The following COL6A2 variants were observed in gnomAD, a reference collection of about 807,000 sequenced individuals.
COL6A2 encodes the protein collagen type VI alpha 2 chain.
A neutral mutation model predicts 124.9 loss-of-function variants in COL6A2; 90 were observed. That is an observed-to-expected ratio of 0.72 (90% CI 0.61 to 0.86). The LOEUF (loss-of-function observed/expected upper bound fraction) is 0.86. Ranked by LOEUF, COL6A2 falls within the 40% of genes least tolerant of loss-of-function variation. COL6A2 has a pLI of 0.00. For synonymous variants in COL6A2, 793 were observed against 618.2 expected, an observed-to-expected ratio of 1.28 and a Z score of -4.19; for missense variants, 1,607 against 1,502.5, an observed-to-expected ratio of 1.07 and a Z score of -1.15.
rs771059871 is a variant in COL6A2, at chr21:46,122,949, CG to C, written c.1671+13del. ...AGAAAGGAGAGCCTGTGAGTGTCAC[CG>C]TCCCGAAGCCCACAGCAGCTGGGCA... On this transcript the variant is annotated intron_variant, in intron 21 of 27. Coordinates refer to ENST00000300527, the MANE Select transcript of COL6A2 (RefSeq NM_001849.4). The C allele has an allele frequency of 6.2e-7, 1 of 1,612,328 alleles. No individual in the cohort carries two copies. Among genetic ancestry groups the C allele is most frequent in the Admixed American group, 1.7e-5 (1 of 60,006 alleles).
chr21:46,117,273 AC>A, intron 10 of COL6A2, 126 bp from the exon 11 acceptor site: 2 of 936,980 alleles, frequency 2.1e-6, no homozygotes, highest in South Asian at 1.5e-5. Context: ...TCATGTGGGC[AC>A]CCGTGTGCCA....
chr21:46,124,544 C>CT (rs1601245864), intron 21 of COL6A2, 107 bp from the exon 22 acceptor site: 1 of 981,766 alleles, frequency 1.0e-6, no homozygotes, highest in East Asian at 2.4e-5. Flanking sequence ...TTAGCCCCCC[C>CT]CCCCGCCAAG....
At chr21:46,113,953 C>T in intron 4 of COL6A2, 55 bp from the exon 5 acceptor site, 1 of 1,448,172 alleles carries the variant, frequency 6.9e-7, no homozygotes, top group East Asian at 2.3e-5. Flanking sequence ...CCCTGCCCTG[C>T]CACCTGAGGA....
chr21:46,121,481 G>A (rs1204432272), intron 17 of COL6A2, 75 bp from the exon 18 acceptor site: 25 of 1,421,738 alleles, frequency 1.8e-5, no homozygotes, highest in Admixed American at 5.1e-5. Context: ...AGGGCTGGAC[G>A]GGGCATGTCA....
chr21:46,129,569 C>T, intron 27 of COL6A2: 4 of 1,461,926 alleles, frequency 2.7e-6, no homozygotes, highest in Non-Finnish European at 3.6e-6. Flanking sequence ...CAGGCTGGCT[C>T]TCAGTGGAGG....
At chr21:46,101,043 T>C (rs555600607) in intron 1 of COL6A2, among the ~76,000 whole-genome samples, 1 of 152,366 alleles carries the variant, frequency 6.6e-6, no homozygotes, top group South Asian at 2.1e-4. Flanking sequence ...TTTCTCCACA[T>C]CTGCACCAAC....
In COL6A2 at chr21:46,132,353, A is replaced by C. The variant is rs1172651127; in HGVS notation, c.2861A>C (p.Asn954Thr). The C allele has an allele frequency of 6.2e-7, 1 of 1,608,788 alleles. No individual in the cohort carries two copies. Among genetic ancestry groups the C allele is most frequent in the South Asian group, 1.1e-5 (1 of 91,082 alleles). Residue 954 changes from asparagine to threonine, a missense_variant, in exon 28 of 28, where the codon AAC becomes ACC. By Grantham distance (65) the Asn-to-Thr change is moderately conservative (BLOSUM62 0). Transcript: ENST00000300527. ...FVFLTDGVTG[N>T]DSLHESAHSM... ...TTCCTCACGGACGGCGTCACGGGCAACGACAGTCTGCACGAGTCGGCGCAC... is the reference window on the plus strand; with the variant it reads ...TTCCTCACGGACGGCGTCACGGGCACCGACAGTCTGCACGAGTCGGCGCAC...
chr21:46,118,922 C>T (rs569406952), intron 13 of COL6A2, 108 bp from the exon 14 acceptor site: 3 of 1,029,716 alleles, frequency 2.9e-6, no homozygotes, highest in Non-Finnish European at 4.5e-6. Context: ...GCCTGGCAAG[C>T]AGATTCCGCT....
intron 16 of COL6A2, 108 bp downstream of exon 16, chr21:46,120,685 C>A (rs1353301190): frequency 5.5e-6 from 6 of 1,090,178 alleles, no homozygotes; most frequent in African/African-American, 1.6e-5. Context: ...GTAGGGGACC[C>A]GGGTGGGTGC....
At chr21:46,111,849 G>A in intron 2 of COL6A2, 130 bp from the exon 3 acceptor site, 1 of 983,048 alleles carries the variant, frequency 1.0e-6, no homozygotes, top group Non-Finnish European at 1.6e-6. Flanking sequence ...GGTGCCAGGG[G>A]TTGGGGGCCG....
intron 1 of COL6A2, among the ~76,000 whole-genome samples, chr21:46,105,154 G>A (rs1405554632): frequency 1.3e-5 from 2 of 152,204 alleles, no homozygotes; most frequent in African/African-American, 2.4e-5. Flanking sequence ...GAGGCAGGAG[G>A]ATAACTTGAG....
In COL6A2 at chr21:46,127,372, G is replaced by A. The variant is rs2078688297; in HGVS notation, c.2461+831G>A. On this transcript the variant is annotated intron_variant, in intron 27 of 27. Coordinates refer to ENST00000300527, the MANE Select transcript of COL6A2 (RefSeq NM_001849.4). ...TGGGGAGCTCCCGGTGGGTGAGCTG[G>A]GCCACTGAGCACATTCACAGGCCCT... 2.0e-5 allele frequency among the ~76,000 whole-genome samples: 3 copies of A among 152,252 alleles called. No homozygotes were observed. In the South Asian group the frequency reaches 6.2e-4, roughly 32 times the overall value.
chr21:46,126,358 TG>T, intron 26 of COL6A2, 121 bp downstream of exon 26: 1 of 1,502,294 alleles, frequency 6.7e-7, no homozygotes, highest in Non-Finnish European at 9.2e-7. Context: ...TCTTGGGCTG[TG>T]GGTGGGAAGG....
chr21:46,124,932 A>G lies in COL6A2; in HGVS notation c.1770+12A>G, dbSNP rs538623620. 10 of 1,612,836 alleles carry G rather than the reference A, an allele frequency of 6.2e-6. No homozygotes were observed. Among genetic ancestry groups the G allele is most frequent in the Admixed American group, 3.3e-5 (2 of 60,016 alleles). ...ACCCCGGTCTCACGGTAGGTGTCAC[A>G]TGGGGCAGAACCAGTGTCCTTCTCC... On this transcript the variant is annotated intron_variant, in intron 23 of 27. Coordinates refer to ENST00000300527, the MANE Select transcript of COL6A2 (RefSeq NM_001849.4).
At chr21:46,114,126 T>TCA (rs2078439925) in intron 5 of COL6A2, 53 bp downstream of exon 5, 1 of 1,506,424 alleles carries the variant, frequency 6.6e-7, no homozygotes, top group African/African-American at 1.4e-5. Flanking sequence ...GCCCCTGATT[T>TCA]GTTTTGAAAT....
intron 14 of COL6A2, among the ~76,000 whole-genome samples, chr21:46,119,365 G>A (rs1042624868): frequency 6.6e-6 from 1 of 152,144 alleles, no homozygotes; most frequent in Non-Finnish European, 1.5e-5. Flanking sequence ...AGCTGCCCAG[G>A]GCATCCTGTG....
intron 15 of COL6A2, 53 bp from the exon 16 acceptor site, chr21:46,120,462 C>G (rs1420735949): frequency 6.9e-7 from 1 of 1,455,770 alleles, no homozygotes; most frequent in Non-Finnish European, 9.4e-7. Context: ...CACATGGGAC[C>G]CAGGCCGGAG....
Position 46,116,672 on chromosome 21 carries a change from C to G in COL6A2, c.949C>G (p.Arg317Gly), listed in dbSNP as rs752020585. The G allele has an allele frequency of 6.2e-7, 1 of 1,613,046 alleles. No homozygotes were observed. The highest frequency in any genetic ancestry group is 8.5e-7 in the Non-Finnish European group (1 of 1,180,020). The change falls in exon 9 of 28, where the codon CGC (arginine) becomes GGC (glycine). Residue 317 changes from arginine (R) to glycine (G), a missense_variant. Coordinates refer to ENST00000300527, the MANE Select transcript of COL6A2 (RefSeq NM_001849.4). The surrounding 1 kb of genome is among the most constrained non-coding windows in gnomAD (Gnocchi z 4.6). Reference protein sequence around the residue: ...GEKGEFGADGRKGAPGLAGKN... With the variant: ...GEKGEFGADGGKGAPGLAGKN... ...ACAGGGTGAATTTGGAGCCGACGGT[C>G]GCAAGGTAGGCTGGCTGGGTAGGCA... is the stretch of plus-strand genomic sequence containing the variant.
In COL6A2 at chr21:46,132,631, G is replaced by C; in HGVS notation, c.*79G>C. Reference sequence around the variant, plus strand: ...GCTAAGCGGGCCCGGGTCCCACACGGCCAGCACCGCTGCTCACTCGGACGA... The same window carrying C: ...GCTAAGCGGGCCCGGGTCCCACACGCCCAGCACCGCTGCTCACTCGGACGA... On this transcript the variant is annotated 3_prime_UTR_variant, in exon 28 of 28. Transcript: ENST00000300527. 7.4e-7 allele frequency: 1 copy of C among 1,359,382 alleles called. No individual in the cohort carries two copies. The highest frequency in any genetic ancestry group is 1.0e-6 in the Non-Finnish European group (1 of 986,032). The allele number at this position is 1,359,382 out of a possible 1,614,324, so 84.2% of individuals were successfully genotyped here.
Sources: allele counts gnomAD v4.1 joint callset (sites outside exome capture counted in the v4.1 genomes callset), GRCh38; gene constraint gnomAD v4.1.1; non-coding constraint Gnocchi (gnomAD v3.1); transcripts MANE v1.5; gene names NCBI Gene and HGNC (gene_info 2026-07-23, HGNC 2026-07-21).